RHPN2: variants seen among roughly 807,000 people sequenced by gnomAD.
RHPN2 encodes the protein rhophilin Rho GTPase binding protein 2, also known as rhophilin-2.
In RHPN2, 40 loss-of-function variants were observed where a neutral mutation model predicts 79.0. The observed-to-expected ratio is 0.51, with a 90% CI of 0.39 to 0.66. The LOEUF (loss-of-function observed/expected upper bound fraction) is 0.66. RHPN2 is among the 30% of genes least tolerant of loss of function. The pLI is 0.00. For missense variants in RHPN2, 686 were observed against 883.5 expected (o/e 0.78, Z 2.83); for synonymous variants, 285 against 363.5 (o/e 0.78, Z 2.46).
intron 2 of RHPN2, among the ~76,000 whole-genome samples, chr19:33,032,266 C>T (rs533841722): frequency 6.6e-6 from 1 of 152,130 alleles, no homozygotes; most frequent in Admixed American, 6.6e-5. Context: ...ATCCACCCAC[C>T]TCGGCCTCCC....
chr19:32,999,135 G>A (rs1296452610), intron 10 of RHPN2, among the ~76,000 whole-genome samples: 2 of 152,042 alleles, frequency 1.3e-5, no homozygotes, highest in Non-Finnish European at 2.9e-5. Context: ...TGTGTGCATG[G>A]GTGGTGCGCA....
intron 2 of RHPN2, among the ~76,000 whole-genome samples, chr19:33,027,829 T>A (rs1971980605): frequency 6.6e-6 from 1 of 152,102 alleles, no homozygotes. Context: ...ATAAAAATTC[T>A]CAACAAAGTA....
chr19:33,064,491 G>A (rs1400416284), intron 1 of RHPN2, among the ~76,000 whole-genome samples: 1 of 152,062 alleles, frequency 6.6e-6, no homozygotes, highest in African/African-American at 2.4e-5. Context: ...GGGGGTGGGA[G>A]GGGGGAGACC....
chr19:33,016,450 G>C (rs1331888784), intron 4 of RHPN2, among the ~76,000 whole-genome samples: 1 of 152,142 alleles, frequency 6.6e-6, no homozygotes, highest in African/African-American at 2.4e-5. Flanking sequence ...GGAAGCCAAG[G>C]AGGGTGGATC....
chr19:33,058,295 C>A (rs1326968667), intron 1 of RHPN2, among the ~76,000 whole-genome samples: 1 of 152,220 alleles, frequency 6.6e-6, no homozygotes, highest in Non-Finnish European at 1.5e-5. Flanking sequence ...GAAACTGTAT[C>A]GAGTCAGGGT....
At chr19:33,061,452 G>C (rs1972279560) in intron 1 of RHPN2, among the ~76,000 whole-genome samples, 2 of 151,292 alleles carry the variant, frequency 1.3e-5, no homozygotes, top group African/African-American at 4.9e-5. Flanking sequence ...TGATCCACTA[G>C]ACTCAGCCTC....
chr19:32,983,315 A>T (rs567884184), intron 14 of RHPN2, among the ~76,000 whole-genome samples: 57 of 152,132 alleles, frequency 3.7e-4, no homozygotes, highest in Admixed American at 8.5e-4. Context: ...GATTGAGACC[A>T]TCGGGGCTAA....
At position 33,011,755 on chromosome 19, in the gene RHPN2, T is replaced by A; in HGVS notation, c.517A>T (p.Thr173Ser). The A allele has an allele frequency of 6.2e-7, 1 of 1,613,926 alleles. No individual in the cohort carries two copies. Among genetic ancestry groups the A allele is most frequent in the Non-Finnish European group, 8.5e-7 (1 of 1,179,858 alleles). Residue 173 changes from threonine to serine, a missense_variant, in exon 6 of 15, where the codon ACA becomes TCA. By Grantham distance (58) the Thr-to-Ser change is moderately conservative. Coordinates refer to ENST00000254260, the MANE Select transcript of RHPN2 (RefSeq NM_033103.5). ...ACAAAGCCCAGCTGGATGAAGTATG[T>A]CATCAGCAGTTCCACCCCGGCCTCA... The part of the protein sequence containing the change: ...RDEAGVELLM[T>S]YFIQLGFVES...
At chr19:32,992,813 TAAAAA>T (rs56178801) in intron 12 of RHPN2, among the ~76,000 whole-genome samples, 2 of 119,756 alleles carry the variant, frequency 1.7e-5, no homozygotes, top group African/African-American at 3.2e-5. Flanking sequence ...GACCCTGTCT[TAAAAA>T]AAAAAAAAAA....
At chr19:33,027,044 G>A (rs1971973747) in intron 2 of RHPN2, 3 of 311,332 alleles carry the variant, frequency 9.6e-6, no homozygotes, top group Admixed American at 8.3e-5. Flanking sequence ...ATCAGCTGAG[G>A]TCAGGAGTTC....
At chr19:33,006,800 A>G (rs527380306) in intron 7 of RHPN2, among the ~76,000 whole-genome samples, 5 of 152,264 alleles carry the variant, frequency 3.3e-5, no homozygotes, top group African/African-American at 1.2e-4. Context: ...TCAACACCGC[A>G]CCTCATTCTC....
chr19:33,021,592 G>A lies in RHPN2; in HGVS notation c.369C>T (p.Val123=), dbSNP rs757158590. 7 of 1,613,824 alleles carry A rather than the reference G, an allele frequency of 4.3e-6. No individual in the cohort carries two copies. Among genetic ancestry groups the A allele is most frequent in the East Asian group, 2.2e-5 (1 of 44,870 alleles). The change falls in exon 4 of 15, where the codon GTC becomes GTT. Residue 123 remains valine, a synonymous_variant. Transcript: ENST00000254260. ...IPLGLKETKD[V]DFAVVLKDFI... ...TTACCTTGAGGACGACTGCAAAGTC[G>A]ACGTCTTTCGTTTCCTTCAGGCCAA...
At chr19:32,995,530 G>A (rs186026727) in intron 11 of RHPN2, among the ~76,000 whole-genome samples, 16 of 152,128 alleles carry the variant, frequency 1.1e-4, no homozygotes, top group Admixed American at 9.8e-4. Context: ...AGGATCCCAG[G>A]GCAGGCTGAT....
chr19:33,035,408 T>A (rs1047993942), intron 2 of RHPN2, among the ~76,000 whole-genome samples: 6 of 152,088 alleles, frequency 3.9e-5, no homozygotes, highest in East Asian at 1.9e-4. Context: ...GGCCTAAAAA[T>A]TTTTTTTAAA....
chr19:32,996,876 T>C (rs1322718389), intron 10 of RHPN2, among the ~76,000 whole-genome samples: 1 of 152,102 alleles, frequency 6.6e-6, no homozygotes, highest in Non-Finnish European at 1.5e-5. Flanking sequence ...AAGCCTTTTA[T>C]TAAAATATTA....
intron 1 of RHPN2, among the ~76,000 whole-genome samples, chr19:33,053,425 CTTTTT>C (rs11297306): frequency 7.6e-6 from 1 of 132,040 alleles, no homozygotes; most frequent in Non-Finnish European, 1.6e-5. Context: ...AACAGTTTTG[CTTTTT>C]TTTTTTTTTT....
intron 2 of RHPN2, among the ~76,000 whole-genome samples, chr19:33,029,308 C>CTT: frequency 1.3e-5 from 2 of 151,714 alleles, no homozygotes. Context: ...GGACGGATCA[C>CTT]GAGGTCAGGA....
chr19:33,002,218 G>A (rs758645580), intron 9 of RHPN2, 29 bp downstream of exon 9: 43 of 1,609,134 alleles, frequency 2.7e-5, no homozygotes, highest in South Asian at 1.1e-5. Flanking sequence ...CACAGCCCTC[G>A]CCAAACTCCC....
chr19:33,019,577 C>A (rs760624380), intron 4 of RHPN2, among the ~76,000 whole-genome samples: 6 of 150,238 alleles, frequency 4.0e-5, no homozygotes, highest in Non-Finnish European at 7.4e-5. Flanking sequence ...TAAATTCCAT[C>A]TCAATAAAAA....
Sources: allele counts gnomAD v4.1 joint callset (sites outside exome capture counted in the v4.1 genomes callset), GRCh38; gene constraint gnomAD v4.1.1; transcripts MANE v1.5; gene names NCBI Gene and HGNC (gene_info 2026-07-23, HGNC 2026-07-21).